Variants in MDGA2 observed in about 807,000 individuals in gnomAD.
MDGA2 encodes MAM domain-containing glycosylphosphatidylinositol anchor protein 2.
MDGA2 carries 40 observed loss-of-function variants against 117.8 expected under a neutral mutation model. The ratio of observed to expected loss-of-function variants is 0.34; its 90% confidence interval spans 0.26 to 0.44. The LOEUF (loss-of-function observed/expected upper bound fraction) is 0.44. MDGA2 is among the 20% of genes least tolerant of loss of function. The pLI is 1.00. For synonymous variants in MDGA2, 452 were observed against 439.0 expected (o/e 1.03, Z -0.37); for missense variants, 1,123 against 1,250.6 (o/e 0.90, Z 1.54).
intron 6 of MDGA2, among the ~76,000 whole-genome samples, chr14:47,065,204 C>T (rs539147569): frequency 6.6e-6 from 1 of 152,204 alleles, no homozygotes; most frequent in East Asian, 1.9e-4. Flanking sequence ...TATAGCCTCC[C>T]TTTTTTAATA....
intron 8 of MDGA2, among the ~76,000 whole-genome samples, chr14:47,021,861 C>T (rs572439389): frequency 5.3e-5 from 8 of 152,236 alleles, no homozygotes; most frequent in South Asian, 2.1e-4. Context: ...GACTTAGAAT[C>T]GATACTCCAT....
At chr14:47,008,691 CTA>C (rs1887796025) in intron 8 of MDGA2, among the ~76,000 whole-genome samples, 1 of 151,800 alleles carries the variant, frequency 6.6e-6, no homozygotes, top group African/African-American at 2.4e-5. Context: ...ACGTCATTGT[CTA>C]TAAAATATCT....
chr14:47,627,071 G>A (rs1897159015), intron 1 of MDGA2, among the ~76,000 whole-genome samples: 1 of 152,006 alleles, frequency 6.6e-6, no homozygotes, highest in African/African-American at 2.4e-5. Flanking sequence ...TGCACCAATC[G>A]GCACTCTGTA....
At chr14:46,958,397 T>C (rs917125581) in intron 8 of MDGA2, among the ~76,000 whole-genome samples, 5 of 152,208 alleles carry the variant, frequency 3.3e-5, no homozygotes, top group Non-Finnish European at 7.3e-5. Flanking sequence ...AAAGAGACTC[T>C]ATTCAAGGAA....
intron 2 of MDGA2, among the ~76,000 whole-genome samples, chr14:47,260,402 C>G (rs1450231300): frequency 1.3e-5 from 2 of 152,082 alleles, no homozygotes; most frequent in East Asian, 3.9e-4. Context: ...AAGCTTTAAG[C>G]AGGAGGTGGA....
At chr14:47,662,342 C>A (rs545370795) in intron 1 of MDGA2, among the ~76,000 whole-genome samples, 1 of 152,100 alleles carries the variant, frequency 6.6e-6, no homozygotes, top group Admixed American at 6.5e-5. Context: ...AGTATACATG[C>A]AAATACTCTA....
At chr14:47,479,283 C>T (rs1177162881) in intron 1 of MDGA2, among the ~76,000 whole-genome samples, 1 of 152,044 alleles carries the variant, frequency 6.6e-6, no homozygotes, top group Non-Finnish European at 1.5e-5. Flanking sequence ...TACTTACATA[C>T]TTTTAATGCT....
chr14:46,887,054 C>G (rs141079467), intron 10 of MDGA2, among the ~76,000 whole-genome samples: 8 of 152,150 alleles, frequency 5.3e-5, no homozygotes, highest in African/African-American at 1.7e-4. Context: ...AATCCAGAGG[C>G]TACATTTAGT....
At chr14:47,578,780 A>T (rs2138835953) in intron 1 of MDGA2, among the ~76,000 whole-genome samples, 1 of 152,310 alleles carries the variant, frequency 6.6e-6, no homozygotes, top group Admixed American at 6.5e-5. Context: ...TGATCTTCAT[A>T]ACTATCATTG....
At chr14:47,564,339 G>C (rs1007890860) in intron 1 of MDGA2, among the ~76,000 whole-genome samples, 1 of 152,124 alleles carries the variant, frequency 6.6e-6, no homozygotes, top group Non-Finnish European at 1.5e-5. Flanking sequence ...ACCTGAGGCT[G>C]GGCAATTTGC....
At chr14:47,613,083 G>A (rs748969217) in intron 1 of MDGA2, among the ~76,000 whole-genome samples, 3 of 152,142 alleles carry the variant, frequency 2.0e-5, no homozygotes, top group Non-Finnish European at 4.4e-5. Context: ...ACCAGCCATT[G>A]TGATCATTGT....
At chr14:47,570,656 A>AAT (rs1896002317) in intron 1 of MDGA2, among the ~76,000 whole-genome samples, 1 of 152,200 alleles carries the variant, frequency 6.6e-6, no homozygotes, top group Non-Finnish European at 1.5e-5. Context: ...GCAATGGGGA[A>AAT]AGGATTCCCT....
chr14:47,355,324 C>T lies in MDGA2; in HGVS notation c.281-53774G>A, dbSNP rs149961077. ...AGGCCCATTAGGGTGCATTCGCTAA[C>T]GCTGGAAGATCTTTGGGTATTCCCC... On this transcript the variant is annotated intron_variant, in intron 1 of 16. Coordinates refer to ENST00000399232, the MANE Select transcript of MDGA2 (RefSeq NM_001113498.3). Among the ~76,000 whole-genome samples, 14 of 152,258 alleles carry T rather than the reference C, an allele frequency of 9.2e-5. No individual in the cohort carries two copies. In the East Asian group the frequency reaches 1.4e-3, roughly 15 times the overall value.
chr14:46,929,639 A>G (rs1282735511), intron 9 of MDGA2, among the ~76,000 whole-genome samples: 4 of 22,234 alleles, frequency 1.8e-4, no homozygotes, highest in African/African-American at 7.4e-4. Flanking sequence ...ATATATATAT[A>G]TATATATACA....
rs574115966 is a variant in MDGA2 at position 47,627,928 on chromosome 14, C to T, written c.280+46589G>A. 3.8e-4 allele frequency among the ~76,000 whole-genome samples: 58 copies of T among 152,270 alleles called. No homozygotes were observed. The South Asian group carries it at 7.9e-3, about 21-fold the overall frequency. ...GCACACATCCGAACATCAGAAGGAA[C>T]GAACTCCGGACACGCCACCTTTAAG... On this transcript the variant is annotated intron_variant, in intron 1 of 16. Coordinates refer to ENST00000399232, the MANE Select transcript of MDGA2 (RefSeq NM_001113498.3).
chr14:47,063,470 G>A (rs1446595835), intron 6 of MDGA2, among the ~76,000 whole-genome samples: 3 of 151,954 alleles, frequency 2.0e-5, no homozygotes, highest in African/African-American at 7.2e-5. Flanking sequence ...GAAGGGAAAT[G>A]TGATGAAATG....
At chr14:47,054,612 G>T (rs1044796439) in intron 7 of MDGA2, among the ~76,000 whole-genome samples, 1 of 151,716 alleles carries the variant, frequency 6.6e-6, no homozygotes, top group Non-Finnish European at 1.5e-5. Context: ...GATGTACAAG[G>T]CTACAGTAAC....
chr14:47,238,472 C>T lies in MDGA2; in HGVS notation c.421-20277G>A, dbSNP rs137982642. ...AAGCAGAAATTATCTCGGTAATGCC[C>T]CCATGTAATTCTAAGGGAAATCTGT... On this transcript the variant is annotated intron_variant, in intron 2 of 16. Transcript: ENST00000399232. 9.0e-3 allele frequency among the ~76,000 whole-genome samples: 1,356 copies of T among 151,484 alleles called. 27 individuals carry two copies. The highest frequency in any genetic ancestry group is 0.031 in the African/African-American group (1,296 of 41,336).
At chr14:47,486,656 T>A (rs1894067914) in intron 1 of MDGA2, among the ~76,000 whole-genome samples, 1 of 152,132 alleles carries the variant, frequency 6.6e-6, no homozygotes, top group Non-Finnish European at 1.5e-5. Flanking sequence ...GGTGGGAGAC[T>A]GAATCATCGG....
Sources: allele counts gnomAD v4.1 joint callset (sites outside exome capture counted in the v4.1 genomes callset), GRCh38; gene constraint gnomAD v4.1.1; transcripts MANE v1.5; gene names NCBI Gene and HGNC (gene_info 2026-07-23, HGNC 2026-07-21).